GPR35: variants seen among roughly 807,000 people sequenced by gnomAD.
GPR35 encodes G protein-coupled receptor 35.
For synonymous variants in GPR35, 207 were observed against 198.4 expected, an observed-to-expected ratio of 1.04 and a Z score of -0.36; for missense variants, 372 against 422.5, an observed-to-expected ratio of 0.88 and a Z score of 1.05.
upstream of GPR35, among the ~76,000 whole-genome samples, chr2:240,623,453 TCGTGAGGGTGCAAACAGGTCGTGAGGGC>T (rs1239732108): frequency 1.0e-3 from 79 of 79,170 alleles, 6 homozygotes; most frequent in Middle Eastern, 0.015. Context: ...CGCAAACAGG[TCGTGAGGGTGCAAACAGGTCGTGAGGGC>T]GCAAACAGGT....
At chr2:240,607,110 T>C (rs2043142388) in intron 2 of GPR35, 1 of 152,150 alleles carries the variant, frequency 6.6e-6, no homozygotes, top group Non-Finnish European at 1.5e-5. Flanking sequence ...CATAGATGAC[T>C]ATGAGGAGGA....
chr2:240,627,029 G>C (rs1245434537), intron 1 of GPR35, among the ~76,000 whole-genome samples: 1 of 152,224 alleles, frequency 6.6e-6, no homozygotes, highest in Non-Finnish European at 1.5e-5. Context: ...TCAGAGGCGT[G>C]CTGCTGGCTC....
chr2:240,625,418 C>T, upstream of GPR35: 1 of 985,486 alleles, frequency 1.0e-6, no homozygotes, highest in Non-Finnish European at 1.2e-6. Flanking sequence ...GCCGCCCGCC[C>T]CCCCACCTTA....
exon 4 of GPR35, chr2:240,617,208 C>T: frequency 3.0e-6 from 2 of 661,558 alleles, no homozygotes; most frequent in South Asian, 3.5e-5. Flanking sequence ...CAACAGCCAC[C>T]TGGGGGAGCT....
In GPR35 at chr2:240,631,135, C is replaced by T; in HGVS notation, c.*253C>T. On this transcript the variant is annotated 3_prime_UTR_variant, in exon 2 of 2. Coordinates refer to ENST00000407714, the MANE Select transcript of GPR35 (RefSeq NM_005301.5). Reference sequence around the variant, plus strand: ...GAGACCCCCGGGATGGGGCCTCACACTTGCCACCCCCAGAACCAGCTCACC... The same window carrying T: ...GAGACCCCCGGGATGGGGCCTCACATTTGCCACCCCCAGAACCAGCTCACC... The T allele has an allele frequency of 1.8e-6, 1 of 545,754 alleles. No individual in the cohort carries two copies. Among genetic ancestry groups the T allele is most frequent in the Non-Finnish European group, 3.4e-6 (1 of 296,364 alleles). The allele number at this position is 545,754 out of a possible 1,614,324, so 33.8% of individuals were successfully genotyped here.
intron 5 of GPR35, among the ~76,000 whole-genome samples, chr2:240,620,093 G>T (rs1055188397): frequency 6.6e-6 from 1 of 152,170 alleles, no homozygotes; most frequent in Non-Finnish European, 1.5e-5. Flanking sequence ...AGGGAAAGCC[G>T]CTGGAAATAG....
At chr2:240,619,098 A>T in intron 5 of GPR35, 1 of 677,766 alleles carries the variant, frequency 1.5e-6, no homozygotes, top group South Asian at 1.6e-5. Context: ...TTGGCTAAAG[A>T]TATTGCCAAA....
chr2:240,614,390 T>A (rs965858466), intron 2 of GPR35, among the ~76,000 whole-genome samples: 2 of 152,224 alleles, frequency 1.3e-5, no homozygotes, highest in South Asian at 4.1e-4. Context: ...TCAGCCAATG[T>A]CAGACCTCAC....
rs2043456226 is a variant in GPR35, at chr2:240,632,211, A to G, written c.*1329A>G. Among the ~76,000 whole-genome samples, 1 of 150,788 alleles carries G rather than the reference A, an allele frequency of 6.6e-6. No individual in the cohort carries two copies. The highest frequency in any genetic ancestry group is 2.1e-4 in the South Asian group (1 of 4,746). On this transcript the variant is annotated 3_prime_UTR_variant, in exon 2 of 2. Coordinates refer to ENST00000407714, the MANE Select transcript of GPR35 (RefSeq NM_005301.5). ...TGGTTGGGGGGGGTCTATGTCCAGG[A>G]GGGTCCCATGCCTGGAAGGGTCCAT...
At position 240,630,354 on chromosome 2, in the gene GPR35, G is replaced by A. The variant is rs777605863; in HGVS notation, c.402G>A (p.Ala134=). The change falls in exon 2 of 2, where the codon GCG becomes GCA. Residue 134 remains alanine, a synonymous_variant. Transcript: ENST00000407714. ...GGCTGCGGTCCCCCAGGCAGGCTGC[G>A]GCCGTGTGCGCGGTCCTCTGGGTGC... is the stretch of plus-strand genomic sequence containing the variant. ...ARGLRSPRQA[A]AVCAVLWVLV... 1.7e-5 allele frequency: 28 copies of A among 1,604,436 alleles called. No homozygotes were observed. The highest frequency in any genetic ancestry group is 3.3e-5 in the Admixed American group (2 of 59,900).
At chr2:240,613,434 G>A (rs567646663) in intron 2 of GPR35, among the ~76,000 whole-genome samples, 4 of 152,192 alleles carry the variant, frequency 2.6e-5, no homozygotes, top group African/African-American at 9.6e-5. Context: ...AAACCATAAT[G>A]AACCATAAGT....
At chr2:240,620,785 C>T (rs2043285146), upstream of GPR35, among the ~76,000 whole-genome samples, 1 of 152,242 alleles carries the variant, frequency 6.6e-6, no homozygotes, top group African/African-American at 2.4e-5. Flanking sequence ...TGCCCGCTAC[C>T]TCCTCTGCCC....
chr2:240,621,778 G>A (rs2043298262), upstream of GPR35, among the ~76,000 whole-genome samples: 1 of 152,212 alleles, frequency 6.6e-6, no homozygotes, highest in African/African-American at 2.4e-5. Context: ...GAAAGCAAGA[G>A]GGGGAACACC....
chr2:240,605,795 G>T (rs2043126618), intron 1 of GPR35, among the ~76,000 whole-genome samples: 2 of 152,172 alleles, frequency 1.3e-5, no homozygotes, highest in African/African-American at 4.8e-5. Flanking sequence ...CCTAATTTTT[G>T]CCAGACTTAA....
upstream of GPR35, among the ~76,000 whole-genome samples, chr2:240,621,465 G>A (rs1213880444): frequency 6.6e-6 from 1 of 152,118 alleles, no homozygotes; most frequent in Non-Finnish European, 1.5e-5. Context: ...ATGTCGGCCA[G>A]GCTGGTCTTG....
At chr2:240,623,500 T>TGCAAACAGGTCGTGAGGGC (rs1553615064), upstream of GPR35, among the ~76,000 whole-genome samples, 51 of 110,990 alleles carry the variant, frequency 4.6e-4, 5 homozygotes, top group Non-Finnish European at 6.0e-4. Flanking sequence ...GTCGTGAGGG[T>TGCAAACAGGTCGTGAGGGC]GCAAACAGGT....
At chr2:240,608,862 A>AT (rs1304571854) in intron 2 of GPR35, among the ~76,000 whole-genome samples, 6 of 152,132 alleles carry the variant, frequency 3.9e-5, no homozygotes, top group Non-Finnish European at 7.4e-5. Flanking sequence ...TGGGTGAGGT[A>AT]TTTTCTTTGT....
chr2:240,632,959 A>G lies in GPR35; in HGVS notation c.*2077A>G, dbSNP rs985097291. On this transcript the variant is annotated 3_prime_UTR_variant, in exon 2 of 2. Transcript: ENST00000407714. ...TTGGATCATGGGGGCTGTTTCCCACATGCTGTTCTCATGATAGTGAGTGAG... is the reference window on the plus strand; with the variant it reads ...TTGGATCATGGGGGCTGTTTCCCACGTGCTGTTCTCATGATAGTGAGTGAG... 1.3e-5 allele frequency among the ~76,000 whole-genome samples: 2 copies of G among 152,210 alleles called. No homozygotes were observed. Among genetic ancestry groups the G allele is most frequent in the Non-Finnish European group, 2.9e-5 (2 of 68,020 alleles).
At chr2:240,617,398 T>C in intron 4 of GPR35, 3 of 614,064 alleles carry the variant, frequency 4.9e-6, no homozygotes, top group Non-Finnish European at 8.9e-6. Context: ...TTAGAGGTAA[T>C]TTTTTTGTGT....
Sources: allele counts gnomAD v4.1 joint callset (sites outside exome capture counted in the v4.1 genomes callset), GRCh38; gene constraint gnomAD v4.1.1; transcripts MANE v1.5; gene names NCBI Gene and HGNC (gene_info 2026-07-23, HGNC 2026-07-21).